TDRD5: variants seen among roughly 807,000 people sequenced by gnomAD.
The protein encoded by TDRD5 is tudor domain containing 5, also known as tudor domain-containing protein 5.
Under a neutral mutation model 120.6 loss-of-function variants are expected in TDRD5, and 41 were observed. The observed-to-expected ratio is 0.34, with a 90% CI of 0.26 to 0.44. The LOEUF (loss-of-function observed/expected upper bound fraction) is 0.44, where lower values mean the gene tolerates loss of function less well. Among genes scored for constraint, TDRD5 ranks in the 20% least tolerant of loss-of-function variants. TDRD5 has a pLI of 1.00. For synonymous variants in TDRD5, 430 were observed against 433.7 expected, an observed-to-expected ratio of 0.99 and a Z score of 0.11; for missense variants, 1,006 against 1,221.2, an observed-to-expected ratio of 0.82 and a Z score of 2.63.
chr1:179,612,935 CAAAAA>C (rs35980053), intron 4 of TDRD5, among the ~76,000 whole-genome samples: 4 of 88,448 alleles, frequency 4.5e-5, no homozygotes, highest in Admixed American at 2.5e-4. Flanking sequence ...GACTTTGTCT[CAAAAA>C]AAAAAAAAAA....
At chr1:179,661,388 G>GT (rs557532738) in intron 14 of TDRD5, among the ~76,000 whole-genome samples, 7 of 144,686 alleles carry the variant, frequency 4.8e-5, no homozygotes, top group Non-Finnish European at 7.7e-5. Context: ...TGTTTTTTTT[G>GT]TTTTTTTCCC....
chr1:179,641,148 T>A (rs1328041992), intron 11 of TDRD5, among the ~76,000 whole-genome samples: 1 of 152,210 alleles, frequency 6.6e-6, no homozygotes, highest in African/African-American at 2.4e-5. Flanking sequence ...TACCTACACA[T>A]TTATTATGCC....
intron 17 of TDRD5, among the ~76,000 whole-genome samples, chr1:179,690,218 T>G (rs1681060259): frequency 6.6e-6 from 1 of 152,210 alleles, no homozygotes; most frequent in African/African-American, 2.4e-5. Flanking sequence ...ATTTTATGGC[T>G]GATAACTGGT....
rs1344527475 is a variant in TDRD5 at position 179,663,507 on chromosome 1, AG to A, written c.2649+18del. The A allele has an allele frequency of 1.3e-6, 2 of 1,599,234 alleles. No homozygotes were observed. Among genetic ancestry groups the A allele is most frequent in the Admixed American group, 3.6e-5 (2 of 56,168 alleles). Reference sequence around the variant, plus strand: ...GACTCAAAAGGTAAATGTCTAATGCAGGTTATTGGGACAGGTTTGCATAAGG... The same window carrying A: ...GACTCAAAAGGTAAATGTCTAATGCAGTTATTGGGACAGGTTTGCATAAGG... On this transcript the variant is annotated intron_variant, in intron 16 of 17. Transcript: ENST00000444136.
At chr1:179,641,103 CTT>C (rs1027742578) in intron 11 of TDRD5, among the ~76,000 whole-genome samples, 1 of 141,172 alleles carries the variant, frequency 7.1e-6, no homozygotes, top group Non-Finnish European at 1.6e-5. Context: ...ATGTACCTAA[CTT>C]TTTATTTTTC....
At chr1:179,667,939 C>T (rs1342550199) in intron 16 of TDRD5, among the ~76,000 whole-genome samples, 1 of 152,146 alleles carries the variant, frequency 6.6e-6, no homozygotes, top group Non-Finnish European at 1.5e-5. Flanking sequence ...GCCAGAAAAA[C>T]AAGCCTACAT....
chr1:179,687,871 C>CT (rs139709484), intron 17 of TDRD5, among the ~76,000 whole-genome samples: 75,669 of 139,988 alleles, frequency 0.54, 20,792 homozygotes, highest in Non-Finnish European at 0.61. Flanking sequence ...GCAACCCCTG[C>CT]TTTTTTTTTT....
rs531476088 is a variant in TDRD5, at chr1:179,619,821, C to G, written c.915+1139C>G. Among the ~76,000 whole-genome samples the G allele has an allele frequency of 3.3e-5, 5 of 152,178 alleles. No homozygotes were observed. The South Asian group carries it at 8.3e-4, about 25-fold the overall frequency. On this transcript the variant is annotated intron_variant, in intron 5 of 17. Coordinates refer to ENST00000444136, the MANE Select transcript of TDRD5 (RefSeq NM_001199085.3). ...AAATTTGTAGAGACAGGGTCTTGCT[C>G]TGTTGCCCAGGCCTGTCTTGAACTC... is the stretch of plus-strand genomic sequence containing the variant.
At chr1:179,609,450 G>A (rs907787824) in intron 4 of TDRD5, among the ~76,000 whole-genome samples, 5 of 152,134 alleles carry the variant, frequency 3.3e-5, no homozygotes, top group East Asian at 1.9e-4. Context: ...TTGTGGCATC[G>A]TGTTGGCATT....
intron 17 of TDRD5, 114 bp downstream of exon 17, chr1:179,669,518 C>T (rs563205799): frequency 2.0e-5 from 23 of 1,134,808 alleles, no homozygotes; most frequent in African/African-American, 7.7e-5. Flanking sequence ...ACATTACTGA[C>T]GTTAGCATTT....
chr1:179,644,510 T>A (rs1678233407), intron 11 of TDRD5, among the ~76,000 whole-genome samples: 1 of 152,160 alleles, frequency 6.6e-6, no homozygotes, highest in Admixed American at 6.5e-5. Context: ...TTTTGACTAA[T>A]TTTTTAATCT....
intron 5 of TDRD5, 92 bp downstream of exon 5, chr1:179,618,774 C>T (rs897981542): frequency 2.2e-5 from 20 of 903,970 alleles, no homozygotes; most frequent in Admixed American, 1.4e-4. Context: ...TATTAATTTA[C>T]ATCTAATCTT....
At chr1:179,648,610 A>C (rs1678537330) in intron 11 of TDRD5, among the ~76,000 whole-genome samples, 1 of 151,434 alleles carries the variant, frequency 6.6e-6, no homozygotes, top group Non-Finnish European at 1.5e-5. Flanking sequence ...AAAAAAAAAG[A>C]AACAAACCAC....
intron 9 of TDRD5, among the ~76,000 whole-genome samples, 190 bp from the exon 10 acceptor site, chr1:179,639,649 T>C (rs1188384846): frequency 1.3e-5 from 2 of 152,150 alleles, no homozygotes; most frequent in African/African-American, 4.8e-5. Flanking sequence ...TTTGAAGAAG[T>C]TTGTTGATGA....
intron 1 of TDRD5, 188 bp from the exon 2 acceptor site, chr1:179,592,414 A>G (rs1675157510): frequency 1.8e-6 from 1 of 553,152 alleles, no homozygotes; most frequent in African/African-American, 1.9e-5. Flanking sequence ...AGCTTAATCA[A>G]CGCAGGTGGA....
rs138354515 is a variant in TDRD5, at chr1:179,630,889, G to A, written c.1095G>A (p.Val365=). 2 of 1,613,464 alleles carry A rather than the reference G, an allele frequency of 1.2e-6. No individual in the cohort carries two copies. Among genetic ancestry groups the A allele is most frequent in the African/African-American group, 2.7e-5 (2 of 74,916 alleles). ...EFRKGHQDLL[V]FDADKKPLPP... ...GGAAAGGACACCAAGACTTACTAGT[G>A]TTTGATGCGGATAAGAAGCCTCTAC... Residue 365 remains valine, a synonymous_variant, in exon 7 of 18, where the codon GTG becomes GTA. Coordinates refer to ENST00000444136, the MANE Select transcript of TDRD5 (RefSeq NM_001199085.3).
chr1:179,663,797 C>T (rs1488507377), intron 16 of TDRD5, among the ~76,000 whole-genome samples: 2 of 152,042 alleles, frequency 1.3e-5, no homozygotes, highest in African/African-American at 4.8e-5. Context: ...GAATCCTGAG[C>T]CTAGAATTTT....
At chr1:179,690,650 T>C in intron 17 of TDRD5, 46 bp from the exon 18 acceptor site, 2 of 1,589,206 alleles carry the variant, frequency 1.3e-6, no homozygotes, top group African/African-American at 1.3e-5. Flanking sequence ...AGGCAGTGAG[T>C]ATGAGTACCC....
intron 11 of TDRD5, among the ~76,000 whole-genome samples, chr1:179,648,396 A>G (rs985462899): frequency 8.1e-5 from 10 of 123,422 alleles, no homozygotes; most frequent in African/African-American, 2.9e-4. Flanking sequence ...GAATTGAACA[A>G]TGAGAACACA....
Sources: allele counts gnomAD v4.1 joint callset (sites outside exome capture counted in the v4.1 genomes callset), GRCh38; gene constraint gnomAD v4.1.1; transcripts MANE v1.5; gene names NCBI Gene and HGNC (gene_info 2026-07-23, HGNC 2026-07-21).